The following TTI1 variants were observed in gnomAD, a reference collection of about 807,000 sequenced individuals.
The protein encoded by TTI1 is TELO2 interacting protein 1, also known as TELO2-interacting protein 1 homolog.
A neutral mutation model predicts 85.4 loss-of-function variants in TTI1; 52 were observed. The ratio of observed to expected loss-of-function variants is 0.61; its 90% CI spans 0.49 to 0.77. The LOEUF is 0.77. TTI1 is among the 30% of genes least tolerant of loss of function. The probability of loss-of-function intolerance (pLI) is 0.00; values close to 1 mark genes in which losing one functional copy is unlikely to be tolerated. For synonymous variants in TTI1, 512 were observed against 503.9 expected (o/e 1.02, Z -0.22); for missense variants, 1,173 against 1,296.0 (o/e 0.91, Z 1.46).
chr20:37,988,502 G>T (rs2073221975), intron 7 of TTI1, among the ~76,000 whole-genome samples: 1 of 152,238 alleles, frequency 6.6e-6, no homozygotes, highest in African/African-American at 2.4e-5. Context: ...TAAATAAACT[G>T]TAACTGAAAT....
Position 38,013,741 on chromosome 20 carries a change from T to C in TTI1, c.76A>G (p.Thr26Ala). The part of the protein sequence containing the change: ...PVCVQLTKTQ[T>A]VENVEHLQTR... ...TGCAGATGCTCCACATTCTCCACTG[T>C]CTGGGTCTTTGTGAGCTGAACACAG... Residue 26 changes from threonine (T) to alanine (A), a missense_variant, in exon 2 of 8, where the codon ACA becomes GCA. Physicochemically the swap from Thr to Ala is moderately conservative, Grantham distance 58. Transcript: ENST00000373447. 6.2e-7 allele frequency: 1 copy of C among 1,614,180 alleles called. No individual in the cohort carries two copies. Among genetic ancestry groups the C allele is most frequent in the Non-Finnish European group, 8.5e-7 (1 of 1,180,030 alleles).
intron 7 of TTI1, among the ~76,000 whole-genome samples, chr20:37,988,281 C>G (rs2073218474): frequency 6.6e-6 from 1 of 152,194 alleles, no homozygotes; most frequent in Admixed American, 6.5e-5. Context: ...TTCTAAGATC[C>G]CTGGTAGCTC....
chr20:38,020,323 A>AAAT lies in TTI1; in HGVS notation c.-41-6467_-41-6466insATT. Among the ~76,000 whole-genome samples, 161 of 50,338 alleles carry AAAT rather than the reference A, an allele frequency of 3.2e-3. 1 individual carries two copies. The highest frequency in any genetic ancestry group is 4.2e-3 in the Non-Finnish European group (116 of 27,734). 33.0% of individuals were successfully genotyped at this position (50,338 alleles called of 152,430 possible). On this transcript the variant is annotated intron_variant, in intron 1 of 7. Transcript: ENST00000373447. Reference sequence around the variant, plus strand: ...GGCTACTCATATGAAAAAAAAAAAAAATATATATATATATATATATATATA... The same window carrying AAAT: ...GGCTACTCATATGAAAAAAAAAAAAAAATATATATATATATATATATATATATA...
At chr20:37,984,400 C>T (rs375612381) in intron 7 of TTI1, among the ~76,000 whole-genome samples, 17 of 152,292 alleles carry the variant, frequency 1.1e-4, no homozygotes, top group East Asian at 3.9e-4. Context: ...CCACAGCCAC[C>T]GAGGGTGGTT....
At chr20:37,992,864 A>G (rs1197355671) in intron 7 of TTI1, among the ~76,000 whole-genome samples, 1 of 152,220 alleles carries the variant, frequency 6.6e-6, no homozygotes, top group Non-Finnish European at 1.5e-5. Context: ...AGAACTGTGA[A>G]GGCCCAGGGC....
At chr20:38,022,219 C>G (rs553904016) in intron 1 of TTI1, among the ~76,000 whole-genome samples, 39 of 152,332 alleles carry the variant, frequency 2.6e-4, no homozygotes, top group African/African-American at 8.7e-4. Flanking sequence ...TTGCTGTTCT[C>G]TCCCCCATGT....
At chr20:38,009,352 C>T (rs185646226) in intron 2 of TTI1, among the ~76,000 whole-genome samples, 2 of 152,200 alleles carry the variant, frequency 1.3e-5, no homozygotes, top group African/African-American at 4.8e-5. Context: ...AAAATAAAAT[C>T]CAAACTCCTT....
chr20:37,990,624 A>T (rs1015237327), intron 7 of TTI1, among the ~76,000 whole-genome samples: 1 of 152,180 alleles, frequency 6.6e-6, no homozygotes, highest in Non-Finnish European at 1.5e-5. Flanking sequence ...TACTTTATTT[A>T]CTCAGTACTG....
chr20:37,996,852 G>T lies in TTI1; in HGVS notation c.2895C>A (p.Pro965=), dbSNP rs751477657. The change falls in exon 6 of 8, where the codon CCC becomes CCA. Residue 965 remains proline (P), a synonymous_variant. Transcript: ENST00000373447. ...AAACTGGTCCAGCCCTGGCACTGAT[G>T]GGGGCCTGGGTGACTAGGGAGCCAG... ...KLAGSLVTQA[P]ISARAGPVYS... 1.2e-6 allele frequency: 2 copies of T among 1,614,164 alleles called. No homozygotes were observed. Among genetic ancestry groups the T allele is most frequent in the Non-Finnish European group, 1.7e-6 (2 of 1,180,012 alleles).
chr20:37,983,369 C>A lies in TTI1; in HGVS notation c.*87G>T. The A allele has an allele frequency of 1.4e-6, 2 of 1,389,864 alleles. No homozygotes were observed. 86.1% of individuals were successfully genotyped at this position (1,389,864 alleles called of 1,614,324 possible). On this transcript the variant is annotated 3_prime_UTR_variant, in exon 8 of 8. Transcript: ENST00000373447. ...TAATTCACCTTCTCTGCTGCCGCTG[C>A]CACCGCCTATGGCCGGGGTGGGGTC...
At chr20:37,999,465 C>T in intron 4 of TTI1, 137 bp from the exon 5 acceptor site, 3 of 954,458 alleles carry the variant, frequency 3.1e-6, no homozygotes, top group Non-Finnish European at 2.8e-6. Context: ...ACATGCCAAG[C>T]ACTAGCTAGG....
At position 38,006,444 on chromosome 20, in the gene TTI1, C is replaced by T. The variant is rs748523546; in HGVS notation, c.2303-47G>A. On this transcript the variant is annotated intron_variant, in intron 2 of 7. Coordinates refer to ENST00000373447, the MANE Select transcript of TTI1 (RefSeq NM_001303457.2). ...GATCACCTTGGCTATTAACAACAGGCATGAGTACTTTATACACAGAATAAG... is the reference window on the plus strand; with the variant it reads ...GATCACCTTGGCTATTAACAACAGGTATGAGTACTTTATACACAGAATAAG... The T allele has an allele frequency of 2.5e-6, 4 of 1,600,992 alleles. No individual in the cohort carries two copies. In the Admixed American group the frequency reaches 6.7e-5, roughly 27 times the overall value.
rs1396404320 is a variant in TTI1, at chr20:38,012,263, G to A, written c.1554C>T (p.Tyr518=). ...FMELYHQSVV[Y]RKQAAMILNE... The stretch of plus-strand genomic sequence containing the variant: ...TAAGGATCATGGCAGCTTGCTTCCG[G>A]TAAACCACAGATTGATGGTAAAGTT... The change falls in exon 2 of 8, where the codon TAC becomes TAT. Residue 518 remains tyrosine, a synonymous_variant. Transcript: ENST00000373447. 3 of 1,614,184 alleles carry A rather than the reference G, an allele frequency of 1.9e-6. No homozygotes were observed. The African/African-American group carries it at 4.0e-5, about 22-fold the overall frequency.
chr20:38,019,952 C>T (rs114801377), intron 1 of TTI1, among the ~76,000 whole-genome samples: 1,758 of 152,178 alleles, frequency 0.012, 38 homozygotes, highest in African/African-American at 0.04. Flanking sequence ...GGATTTGGTA[C>T]CATTGGTAGA....
chr20:37,991,190 T>A (rs528587834), intron 7 of TTI1, among the ~76,000 whole-genome samples: 4 of 152,368 alleles, frequency 2.6e-5, no homozygotes, highest in South Asian at 4.1e-4. Context: ...TTGTCAACTA[T>A]TAATCAAGTG....
chr20:38,022,143 T>C (rs927865142), intron 1 of TTI1, among the ~76,000 whole-genome samples: 1 of 152,148 alleles, frequency 6.6e-6, no homozygotes, highest in Non-Finnish European at 1.5e-5. Context: ...AGAGATGCCA[T>C]TGTGGCAGGT....
rs548557660 is a variant in TTI1 at position 38,001,960 on chromosome 20, G to A, written c.2652+668C>T. On this transcript the variant is annotated intron_variant, in intron 4 of 7. Coordinates refer to ENST00000373447, the MANE Select transcript of TTI1 (RefSeq NM_001303457.2). ...CTCAAACTCCCAACTCAGGTGATCC[G>A]CCCACCTCAGCTTCCCAAAGTGCTG... is the stretch of plus-strand genomic sequence containing the variant. 5.9e-5 allele frequency among the ~76,000 whole-genome samples: 9 copies of A among 152,208 alleles called. No homozygotes were observed. In the South Asian group the frequency reaches 8.3e-4, roughly 14 times the overall value.
rs1330292276 is a variant in TTI1, at chr20:38,013,819, T to C, written c.-3A>G. 6.2e-7 allele frequency: 1 copy of C among 1,606,908 alleles called. No individual in the cohort carries two copies. Among genetic ancestry groups the C allele is most frequent in the Admixed American group, 1.7e-5 (1 of 59,630 alleles). On this transcript the variant is annotated 5_prime_UTR_variant, in exon 2 of 8. Coordinates refer to ENST00000373447, the MANE Select transcript of TTI1 (RefSeq NM_001303457.2). The stretch of plus-strand genomic sequence containing the variant: ...TCAGGAGTATCAAAAACTGCCATTG[T>C]GCAGCAGCCTTCCCCTCATTGAGGA...
At chr20:38,010,809 G>A (rs557512226) in intron 2 of TTI1, among the ~76,000 whole-genome samples, 187 of 152,112 alleles carry the variant, frequency 1.2e-3, no homozygotes, top group African/African-American at 4.4e-3. Flanking sequence ...TAACATCTTC[G>A]GTAAGCACCC....
Sources: allele counts gnomAD v4.1 joint callset (sites outside exome capture counted in the v4.1 genomes callset), GRCh38; gene constraint gnomAD v4.1.1; transcripts MANE v1.5; gene names NCBI Gene and HGNC (gene_info 2026-07-23, HGNC 2026-07-21).